The following ART3 variants were observed in gnomAD, a reference collection of about 807,000 sequenced individuals.
The protein encoded by ART3 is ADP-ribosyltransferase 3 (inactive), also known as ecto-ADP-ribosyltransferase 3.
A neutral mutation model predicts 48.5 loss-of-function variants in ART3; 49 were observed. That is an observed-to-expected ratio of 1.01 (90% CI 0.80 to 1.28). The LOEUF is 1.28. Among genes scored for constraint, ART3 ranks in the 50% most tolerant of loss-of-function variants. The pLI is 0.00. For missense variants in ART3, 438 were observed against 454.3 expected (o/e 0.96, Z 0.33); for synonymous variants, 145 against 157.2 (o/e 0.92, Z 0.58).
rs1734445757 is a variant in ART3 at position 76,036,676 on chromosome 4, AAT to A, written c.-10+25357_-10+25358del. The A allele has an allele frequency of 2.0e-4, 6 of 30,456 alleles. No homozygotes were observed. The South Asian group carries it at 4.4e-3, about 22-fold the overall frequency. The allele number at this position is 30,456 out of a possible 1,614,324, so 1.9% of individuals were successfully genotyped here. A position where few individuals can be genotyped will look rare whatever the true frequency, so the allele number is the denominator to read the frequency against. ...TTTGCTTTATTTTATTTTTAAATTT[AAT>A]TTAATTTTATTACTTTATTTTATAT... On this transcript the variant is annotated intron_variant, in intron 1 of 9. Coordinates refer to the ART3 transcript ENST00000341029.
At chr4:76,055,723 G>C (rs1429854047) in intron 1 of ART3, among the ~76,000 whole-genome samples, 14 of 107,556 alleles carry the variant, frequency 1.3e-4, no homozygotes. Context: ...AGCTAGAGAA[G>C]GTGTCTAGAG....
intron 1 of ART3, among the ~76,000 whole-genome samples, chr4:76,068,196 A>G (rs1339399701): frequency 6.6e-6 from 1 of 152,192 alleles, no homozygotes; most frequent in Non-Finnish European, 1.5e-5. Flanking sequence ...AAAATTCACA[A>G]ATTTGAAGTG....
chr4:76,083,153 A>G (rs536650301), intron 3 of ART3, among the ~76,000 whole-genome samples: 1 of 152,170 alleles, frequency 6.6e-6, no homozygotes, highest in Admixed American at 6.5e-5. Context: ...AGCTGTAATC[A>G]CACCACTGCA....
chr4:76,065,552 A>AACACACACACGCAC (rs1719649380), intron 1 of ART3, among the ~76,000 whole-genome samples: 1 of 145,294 alleles, frequency 6.9e-6, no homozygotes, highest in Admixed American at 6.9e-5. Context: ...ATAACCCTCC[A>AACACACACACGCAC]ACACACACAC....
chr4:76,050,679 C>T (rs34216031), intron 1 of ART3, among the ~76,000 whole-genome samples: 7,750 of 151,890 alleles, frequency 0.051, 242 homozygotes, highest in South Asian at 0.14. Flanking sequence ...CTTGGGTGGT[C>T]GATGGGACTG....
intron 11 of ART3, among the ~76,000 whole-genome samples, chr4:76,110,194 CAACT>C (rs1322428948): frequency 1.3e-5 from 2 of 152,024 alleles, no homozygotes; most frequent in Non-Finnish European, 2.9e-5. Flanking sequence ...GGGATTCAAC[CAACT>C]GTGGATCGAA....
chr4:76,077,433 T>C lies in ART3; in HGVS notation c.69+1475T>C, dbSNP rs1721351949. Among the ~76,000 whole-genome samples, 5 of 152,312 alleles carry C rather than the reference T, an allele frequency of 3.3e-5. No homozygotes were observed. The South Asian group carries it at 1.0e-3, about 32-fold the overall frequency. The stretch of plus-strand genomic sequence containing the variant: ...TATCAGCTGATGGACATTTGGGCTG[T>C]TTCCACTTTATGGCTATTACGAATA... On this transcript the variant is annotated intron_variant, in intron 2 of 11. Transcript: ENST00000355810.
intron 1 of ART3, among the ~76,000 whole-genome samples, chr4:76,039,133 T>G (rs1275899517): frequency 6.0e-5 from 9 of 150,776 alleles, no homozygotes; most frequent in African/African-American, 2.2e-4. Context: ...GGAGTCTCTC[T>G]GTGCCACCCA....
At chr4:76,098,901 T>A in intron 4 of ART3, 54 bp from the exon 5 acceptor site, 1 of 1,439,636 alleles carries the variant, frequency 6.9e-7, no homozygotes, top group Non-Finnish European at 9.7e-7. Flanking sequence ...AGACTGATCC[T>A]GACATTCACA....
chr4:76,110,153 AT>A (rs1277313920), intron 11 of ART3, among the ~76,000 whole-genome samples: 1 of 152,194 alleles, frequency 6.6e-6, no homozygotes, highest in Non-Finnish European at 1.5e-5. Context: ...TTAAAAAACA[AT>A]GCAGCTATAG....
At chr4:76,049,420 G>T (rs183593678) in intron 1 of ART3, among the ~76,000 whole-genome samples, 47 of 151,868 alleles carry the variant, frequency 3.1e-4, no homozygotes, top group South Asian at 6.2e-4. Context: ...ACATGTTGTC[G>T]GGACCTTGGA....
intron 1 of ART3, chr4:76,034,748 G>T (rs752049858): frequency 9.3e-5 from 130 of 1,401,978 alleles, no homozygotes; most frequent in Non-Finnish European, 1.3e-4. Flanking sequence ...CTTGTTCTAG[G>T]TTTTTCAGAT....
intron 5 of ART3, 95 bp downstream of exon 5, chr4:76,099,082 A>G: frequency 8.8e-7 from 1 of 1,134,774 alleles, no homozygotes; most frequent in East Asian, 2.5e-5. Flanking sequence ...TGAGTGGATC[A>G]CTTGAGCCCA....
intron 1 of ART3, chr4:76,075,373 C>T (rs1720824911): frequency 6.5e-6 from 1 of 152,684 alleles, no homozygotes; most frequent in Non-Finnish European, 1.5e-5. Flanking sequence ...CTACTGACCT[C>T]ATCATCTCCT....
rs1242085175 is a variant in ART3 at position 76,065,365 on chromosome 4, G to A, written c.-9-10516G>A. 3.3e-5 allele frequency among the ~76,000 whole-genome samples: 5 copies of A among 152,148 alleles called. No homozygotes were observed. In the East Asian group the frequency reaches 9.6e-4, roughly 29 times the overall value. Reference sequence around the variant, plus strand: ...ATTTCCAAACCTGTTCACTTAACATGCCGATCTTTGGGATGTGGGAGGAAA... The same window carrying A: ...ATTTCCAAACCTGTTCACTTAACATACCGATCTTTGGGATGTGGGAGGAAA... On this transcript the variant is annotated intron_variant, in intron 1 of 9. Transcript: ENST00000341029.
intron 8 of ART3, among the ~76,000 whole-genome samples, chr4:76,103,359 C>T (rs941791438): frequency 2.6e-5 from 4 of 151,210 alleles, no homozygotes; most frequent in African/African-American, 9.8e-5. Context: ...GAGACCCTGT[C>T]TCTCAAAAAA....
intron 6 of ART3, 76 bp downstream of exon 6, chr4:76,100,396 G>A: frequency 7.0e-7 from 1 of 1,422,870 alleles, no homozygotes; most frequent in Non-Finnish European, 9.8e-7. Context: ...ACTTTGGGAG[G>A]CCGAGGCGGG....
At chr4:76,100,176 T>C in intron 5 of ART3, 115 bp from the exon 6 acceptor site, 1 of 1,023,218 alleles carries the variant, frequency 9.8e-7, no homozygotes, top group Non-Finnish European at 1.5e-6. Context: ...TTCCTGGACG[T>C]ATCAAATGGT....
At chr4:76,090,230 G>T (rs1490615978) in intron 3 of ART3, among the ~76,000 whole-genome samples, 1 of 152,222 alleles carries the variant, frequency 6.6e-6, no homozygotes, top group Non-Finnish European at 1.5e-5. Context: ...TTTATTGGAG[G>T]TAAGATTTCC....
Sources: allele counts gnomAD v4.1 joint callset (sites outside exome capture counted in the v4.1 genomes callset), GRCh38; gene constraint gnomAD v4.1.1; transcripts MANE v1.5; gene names NCBI Gene and HGNC (gene_info 2026-07-23, HGNC 2026-07-21).